The following STARD13 variants were observed in gnomAD, a reference collection of about 807,000 sequenced individuals.
The protein encoded by STARD13 is stAR-related lipid transfer protein 13.
STARD13 carries 62 observed loss-of-function variants against 106.4 expected under a neutral mutation model. The observed-to-expected ratio is 0.58, with a 90% confidence interval of 0.48 to 0.72. STARD13 has a LOEUF of 0.72. STARD13 is among the 30% of genes least tolerant of loss of function. The pLI is 0.00. For synonymous variants in STARD13, 565 were observed against 553.0 expected, an observed-to-expected ratio of 1.02 and a Z score of -0.31; for missense variants, 1,387 against 1,424.0, an observed-to-expected ratio of 0.97 and a Z score of 0.42.
intron 1 of STARD13, among the ~76,000 whole-genome samples, chr13:33,226,147 C>G (rs913684117): frequency 6.6e-6 from 1 of 152,236 alleles, no homozygotes; most frequent in Non-Finnish European, 1.5e-5. Context: ...ATCAGACTTC[C>G]ATCCTCCAGA....
At chr13:33,537,487 A>T in the STARD13 span, among the ~76,000 whole-genome samples, 1 of 152,228 alleles carries the variant, frequency 6.6e-6, no homozygotes, top group South Asian at 2.1e-4. Flanking sequence ...AGGGAAACTG[A>T]GGCTCAGAAA....
At chr13:33,114,059 C>T (rs544735925) in intron 8 of STARD13, among the ~76,000 whole-genome samples, 27 of 152,280 alleles carry the variant, frequency 1.8e-4, no homozygotes, top group African/African-American at 5.5e-4. Context: ...AAATCATTAG[C>T]ACTCCCACGT....
the STARD13 span, among the ~76,000 whole-genome samples, chr13:33,601,069 A>T: frequency 3.3e-5 from 5 of 152,176 alleles, no homozygotes; most frequent in Admixed American, 1.3e-4. Context: ...TTGGTGTGTG[A>T]TGACACGTGC....
chr13:33,596,215 ATTGT>A, the STARD13 span, among the ~76,000 whole-genome samples: 20 of 152,310 alleles, frequency 1.3e-4, no homozygotes, highest in African/African-American at 4.6e-4. Context: ...TCAAAGGCTA[ATTGT>A]TTGGTGTTTT....
At chr13:33,664,009 T>C in the STARD13 span, among the ~76,000 whole-genome samples, 2 of 152,308 alleles carry the variant, frequency 1.3e-5, no homozygotes, top group East Asian at 3.9e-4. Context: ...AAATGCTTCC[T>C]CTGCAGGCAG....
the STARD13 span, among the ~76,000 whole-genome samples, chr13:33,610,316 G>T: frequency 2.0e-5 from 3 of 151,738 alleles, no homozygotes; most frequent in Admixed American, 6.6e-5. Context: ...TATTTAAGGA[G>T]AAAAAAAAGC....
intron 4 of STARD13, among the ~76,000 whole-genome samples, chr13:33,140,065 A>T (rs1275877422): frequency 1.3e-5 from 2 of 152,242 alleles, no homozygotes; most frequent in Non-Finnish European, 2.9e-5. Context: ...TATAAAGACT[A>T]CATTAAGGTC....
the STARD13 span, among the ~76,000 whole-genome samples, chr13:33,607,225 A>C: frequency 6.6e-6 from 1 of 152,050 alleles, no homozygotes; most frequent in African/African-American, 2.4e-5. Context: ...TAATAATAAA[A>C]ATAATAACAA....
intron 1 of STARD13, among the ~76,000 whole-genome samples, chr13:33,220,045 T>C (rs952365536): frequency 2.6e-5 from 4 of 152,204 alleles, no homozygotes; most frequent in African/African-American, 7.2e-5. Context: ...CTTTAATGCC[T>C]GTCTTTTCCT....
the STARD13 span, among the ~76,000 whole-genome samples, chr13:33,364,560 T>A: frequency 1.3e-5 from 2 of 151,960 alleles, no homozygotes; most frequent in African/African-American, 4.8e-5. Context: ...GTGGGCAAGG[T>A]GTGTGTGGTT....
chr13:33,393,927 G>A, the STARD13 span, among the ~76,000 whole-genome samples: 1 of 152,088 alleles, frequency 6.6e-6, no homozygotes, highest in Non-Finnish European at 1.5e-5. Context: ...GATCTTTCTT[G>A]TCTAGCATTT....
intron 1 of STARD13, among the ~76,000 whole-genome samples, chr13:33,255,033 C>T (rs1421061702): frequency 1.3e-5 from 2 of 152,080 alleles, no homozygotes; most frequent in African/African-American, 4.8e-5. Flanking sequence ...CTGCGGACAG[C>T]AGGGCTAAAA....
At chr13:33,671,533 CG>C in the STARD13 span, among the ~76,000 whole-genome samples, 1 of 152,092 alleles carries the variant, frequency 6.6e-6, no homozygotes, top group Admixed American at 6.6e-5. Flanking sequence ...AGTTCAAGAC[CG>C]GCCTGGGCAA....
intron 4 of STARD13, 53 bp downstream of exon 4, chr13:33,142,257 A>G: frequency 7.3e-7 from 1 of 1,376,844 alleles, no homozygotes. Context: ...TTGATCTCAA[A>G]CTCCTGGCAT....
At position 33,285,579 on chromosome 13, in the gene STARD13, T is replaced by C. The variant is rs1892015915; in HGVS notation, c.60A>G (p.Thr20=). The C allele has an allele frequency of 3.1e-6, 5 of 1,613,818 alleles. No homozygotes were observed. Among genetic ancestry groups the C allele is most frequent in the African/African-American group, 1.3e-5 (1 of 74,968 alleles). ...ASGCYYLNSM[T]PEGQEMYLRF... ...GCAAGTACATCTCCTGGCCCTCAGG[T>C]GTCATGGAATTTAGGTAGTAGCAGC... The change falls in exon 1 of 14, where the codon ACA becomes ACG. Residue 20 remains threonine (T), a synonymous_variant. Coordinates refer to ENST00000336934, the MANE Select transcript of STARD13 (RefSeq NM_178006.4).
At chr13:33,376,087 AACCATATTACTTAATATGGTTTTG>A in the STARD13 span, among the ~76,000 whole-genome samples, 116 of 152,256 alleles carry the variant, frequency 7.6e-4, no homozygotes, top group African/African-American at 2.2e-3. Context: ...ATATTACTTA[AACCATATTACTTAATATGGTTTTG>A]ACCATATTAC....
rs1877865306 is a variant in STARD13, at chr13:33,129,513, G to A, written c.1164C>T (p.His388=). 6.2e-7 allele frequency: 1 copy of A among 1,614,094 alleles called. No homozygotes were observed. Among genetic ancestry groups the A allele is most frequent in the Non-Finnish European group, 8.5e-7 (1 of 1,180,044 alleles). The change falls in exon 5 of 14, where the codon CAC becomes CAT. Residue 388 remains histidine, a synonymous_variant. Transcript: ENST00000336934. The part of the protein sequence containing the change: ...AGDQSRMHEF[H]SQENLVVHIP... ...TATGCACCACCAAATTCTCTTGGGAGTGAAATTCATGCATACGGCTTTGGT... is the reference window on the plus strand; with the variant it reads ...TATGCACCACCAAATTCTCTTGGGAATGAAATTCATGCATACGGCTTTGGT...
At position 33,127,471 on chromosome 13, in the gene STARD13, C is replaced by T. The variant is rs1323972766; in HGVS notation, c.1824G>A (p.Gln608=). Residue 608 remains glutamine, a synonymous_variant, in exon 6 of 14, where the codon CAG becomes CAA. Transcript: ENST00000336934. ...GGAGCAGGCTCAGCTGGCTGGCCGT[C>T]TGGCTGCTGATGTGGGGCGATGCTG... ...PAPASPHISS[Q]TASQLSLLQR... The T allele has an allele frequency of 6.3e-7, 1 of 1,598,376 alleles. No individual in the cohort carries two copies. The highest frequency in any genetic ancestry group is 1.1e-5 in the South Asian group (1 of 89,880).
chr13:33,236,251 G>A (rs1471061652), intron 1 of STARD13, among the ~76,000 whole-genome samples: 1 of 152,146 alleles, frequency 6.6e-6, no homozygotes, highest in Non-Finnish European at 1.5e-5. Flanking sequence ...TGGCCAGTAA[G>A]GCATGATCCA....
Sources: gnomAD v4.1 joint callset for allele counts (sites outside exome capture counted in the v4.1 genomes callset) on GRCh38, gnomAD v4.1.1 for gene constraint, MANE v1.5 for transcripts, NCBI Gene and HGNC (gene_info 2026-07-23, HGNC 2026-07-21) for gene names.